DOT1L: variants seen among roughly 807,000 people sequenced by gnomAD.
The protein encoded by DOT1L is DOT1 like histone lysine methyltransferase, also known as histone-lysine N-methyltransferase, H3 lysine-79 specific.
In DOT1L, 33 loss-of-function variants were observed where a neutral mutation model predicts 153.3. That is an observed-to-expected ratio of 0.22 (90% CI 0.16 to 0.29). DOT1L has a LOEUF of 0.29. DOT1L is among the 10% of genes least tolerant of loss of function. The pLI is 1.00. For synonymous variants in DOT1L, 1,135 were observed against 965.1 expected, an observed-to-expected ratio of 1.18 and a Z score of -3.26; for missense variants, 1,847 against 2,119.9, an observed-to-expected ratio of 0.87 and a Z score of 2.53.
intron 19 of DOT1L, among the ~76,000 whole-genome samples, chr19:2,215,263 C>A (rs1215751865): frequency 2.0e-5 from 3 of 152,164 alleles, no homozygotes; most frequent in African/African-American, 7.2e-5. Context: ...CAGGCCCCAT[C>A]TGAAAAATAA....
intron 27 of DOT1L, chr19:2,227,597 C>A: frequency 2.0e-6 from 2 of 997,636 alleles, no homozygotes; most frequent in Non-Finnish European, 2.6e-6. Context: ...CGAGCCTGGC[C>A]GAGCCGCTGC....
At chr19:2,214,339 C>T in intron 18 of DOT1L, 132 bp from the exon 19 acceptor site, 2 of 1,426,618 alleles carry the variant, frequency 1.4e-6, no homozygotes, top group Non-Finnish European at 1.9e-6. Context: ...CCTGCTATTC[C>T]AGAAACGGGG....
chr19:2,194,701 A>T (rs2022945684), intron 7 of DOT1L, 124 bp downstream of exon 7: 6 of 538,870 alleles, frequency 1.1e-5, no homozygotes, highest in Admixed American at 4.0e-5. Context: ...TGCCCCCTGG[A>T]GTCCCCTCTG....
In DOT1L at chr19:2,207,462, G is replaced by T; in HGVS notation, c.857-112G>T. 1.2e-6 allele frequency: 1 copy of T among 859,340 alleles called. No homozygotes were observed. Among genetic ancestry groups the T allele is most frequent in the East Asian group, 2.6e-5 (1 of 38,484 alleles). 53.2% of individuals were successfully genotyped at this position (859,340 alleles called of 1,614,324 possible). A position where few individuals can be genotyped will look rare whatever the true frequency, so the allele number is the denominator to read the frequency against. The stretch of plus-strand genomic sequence containing the variant: ...GGCCTGACGCAGTGTGGGAGAAGAG[G>T]GAAGACGCGCAGCTCAGGCTTCTGT... On this transcript the variant is annotated intron_variant, in intron 10 of 27. Transcript: ENST00000398665. This position sits in a 1 kb window ranked among gnomAD's most constrained non-coding sequence, Gnocchi z 4.5.
Position 2,208,971 on chromosome 19 carries a change from C to G in DOT1L, c.1000C>G (p.Leu334Val), listed in dbSNP as rs1423758268. Residue 334 changes from leucine (L) to valine (V), a missense_variant, in exon 12 of 28, where the codon CTC (leucine) becomes GTC (valine). Transcript: ENST00000398665. The surrounding 1 kb of genome is among the most constrained non-coding windows in gnomAD (Gnocchi z 4.4). ...TTTTTCTAGTCTGAAAAACCCAAAA[C>G]TCAGGGTAAGTTTGTGTGTTTTTTC... ...NYFSSLKNPK[L>V]REEQEAARRR... 6.2e-7 allele frequency: 1 copy of G among 1,613,194 alleles called. No individual in the cohort carries two copies. The highest frequency in any genetic ancestry group is 1.3e-5 in the African/African-American group (1 of 74,878).
chr19:2,221,270 C>G (rs2024102795), intron 23 of DOT1L: 2 of 153,006 alleles, frequency 1.3e-5, no homozygotes, highest in African/African-American at 4.8e-5. Context: ...TCACGGTTGG[C>G]CACGTGAGGG....
At chr19:2,186,323 C>T (rs1482862015) in intron 3 of DOT1L, among the ~76,000 whole-genome samples, 1 of 152,090 alleles carries the variant, frequency 6.6e-6, no homozygotes, top group African/African-American at 2.4e-5. Context: ...TTTGGTTAGT[C>T]CCTCTGTCTC....
chr19:2,183,916 C>G (rs751397110), intron 2 of DOT1L, among the ~76,000 whole-genome samples: 1 of 140,434 alleles, frequency 7.1e-6, no homozygotes, highest in Admixed American at 7.2e-5. Context: ...TGAGCCACCA[C>G]GCCCGGCCTT....
intron 7 of DOT1L, among the ~76,000 whole-genome samples, chr19:2,195,116 G>A (rs975947980): frequency 1.3e-5 from 2 of 152,114 alleles, no homozygotes; most frequent in Non-Finnish European, 2.9e-5. Context: ...TCCCCTTTCA[G>A]TGGCTGAGTG....
Position 2,208,684 on chromosome 19 carries a change from T to C in DOT1L, c.964-251T>C, listed in dbSNP as rs1431321278. Among the ~76,000 whole-genome samples the C allele has an allele frequency of 6.6e-6, 1 of 152,170 alleles. No homozygotes were observed. Among genetic ancestry groups the C allele is most frequent in the African/African-American group, 2.4e-5 (1 of 41,452 alleles). On this transcript the variant is annotated intron_variant, in intron 11 of 27. Transcript: ENST00000398665. The surrounding 1 kb of genome is among the most constrained non-coding windows in gnomAD (Gnocchi z 4.4). ...GAGACACATCCCAGGGCCCTGTGTC[T>C]GTTCTGAAGGCTTAAACCAGCCCCG...
chr19:2,171,075 C>G (rs1279515814), intron 1 of DOT1L, among the ~76,000 whole-genome samples: 1 of 152,212 alleles, frequency 6.6e-6, no homozygotes, highest in Non-Finnish European at 1.5e-5. Context: ...GGATTCTCTT[C>G]CTTCAGCCTC....
rs1233657169 is a variant in DOT1L, at chr19:2,218,692, CTCTT to C, written c.2691+780_2691+783del. Reference sequence around the variant, plus strand: ...ACAGGCGTGAGCCACGACGTCTGGCCTCTTTCTTTTTTTTTATTTTTCGAGATGG... The same window carrying C: ...ACAGGCGTGAGCCACGACGTCTGGCCTCTTTTTTTTTATTTTTCGAGATGG... On this transcript the variant is annotated intron_variant, in intron 22 of 27. Coordinates refer to ENST00000398665, the MANE Select transcript of DOT1L (RefSeq NM_032482.3). Among the ~76,000 whole-genome samples the C allele has an allele frequency of 3.4e-5, 5 of 149,068 alleles. No homozygotes were observed. In the Admixed American group the frequency reaches 3.4e-4, roughly 10 times the overall value.
rs77760366 is a variant in DOT1L at position 2,211,700 on chromosome 19, C to T, written c.1466-51C>T. On this transcript the variant is annotated intron_variant, in intron 15 of 27. Transcript: ENST00000398665. The stretch of plus-strand genomic sequence containing the variant: ...CTCAAGGGCTGCTCCCACCTCTTCC[C>T]TCTCAGTCTCAGCTGCTCTCTTCTC... 615 of 1,486,490 alleles carry T rather than the reference C, an allele frequency of 4.1e-4. 2 individuals are homozygous for T. The African/African-American group carries it at 6.5e-3, about 16-fold the overall frequency. 92.1% of individuals were successfully genotyped at this position (1,486,490 alleles called of 1,614,324 possible).
chr19:2,196,674 C>T (rs1210499925), intron 7 of DOT1L, among the ~76,000 whole-genome samples: 1 of 152,302 alleles, frequency 6.6e-6, no homozygotes, highest in Non-Finnish European at 1.5e-5. Flanking sequence ...CCTGCAAACA[C>T]GGAGCTTTGC....
At chr19:2,227,727 C>T (rs767692584) in intron 27 of DOT1L, 13 of 1,311,956 alleles carry the variant, frequency 9.9e-6, no homozygotes, top group South Asian at 2.4e-5. Context: ...TTTTTCTCTC[C>T]TATTTGCAGG....
At chr19:2,173,392 C>T (rs2021749594) in intron 1 of DOT1L, among the ~76,000 whole-genome samples, 1 of 152,116 alleles carries the variant, frequency 6.6e-6, no homozygotes, top group Non-Finnish European at 1.5e-5. Flanking sequence ...TGATGCAGAC[C>T]CCAAGAGAGG....
chr19:2,213,369 C>T (rs2023780332), intron 16 of DOT1L, 170 bp from the exon 17 acceptor site: 1 of 611,464 alleles, frequency 1.6e-6, no homozygotes, highest in Non-Finnish European at 2.8e-6. Flanking sequence ...CTGGTCCCCT[C>T]CCGCCGTGGC....
chr19:2,227,666 T>C, intron 27 of DOT1L: 1 of 1,272,348 alleles, frequency 7.9e-7, no homozygotes, highest in Non-Finnish European at 1.0e-6. Context: ...TTTGTGAGCC[T>C]GCGGCTGCTG....
chr19:2,192,951 A>T (rs1355010303), intron 5 of DOT1L, among the ~76,000 whole-genome samples: 1 of 151,912 alleles, frequency 6.6e-6, no homozygotes, highest in Admixed American at 6.6e-5. Flanking sequence ...TTCTCTTCCC[A>T]CTGGTGTGGT....
Sources: gnomAD v4.1 joint callset for allele counts (sites outside exome capture counted in the v4.1 genomes callset) on GRCh38, gnomAD v4.1.1 for gene constraint, Gnocchi (gnomAD v3.1) non-coding constraint, MANE v1.5 for transcripts, NCBI Gene and HGNC (gene_info 2026-07-23, HGNC 2026-07-21) for gene names.